PAK5: variants seen among roughly 807,000 people sequenced by gnomAD.
The protein encoded by PAK5 is serine/threonine-protein kinase PAK 5.
PAK5 carries 16 observed loss-of-function variants against 65.9 expected under a neutral mutation model. That is an observed-to-expected ratio of 0.24 (90% CI 0.16 to 0.37). PAK5 has a LOEUF of 0.37. Among genes scored for constraint, PAK5 ranks in the 10% least tolerant of loss-of-function variants. The pLI is 1.00. For missense variants in PAK5, 785 were observed against 903.9 expected (o/e 0.87, Z 1.69); for synonymous variants, 371 against 354.9 (o/e 1.05, Z -0.51).
rs113020207 is a variant in PAK5, at chr20:9,624,724, G to C, written c.204+19401C>G. 7.4e-3 allele frequency among the ~76,000 whole-genome samples: 1,129 copies of C among 151,958 alleles called. 14 individuals carry two copies. Among genetic ancestry groups the C allele is most frequent in the African/African-American group, 0.026 (1,068 of 41,440 alleles). On this transcript the variant is annotated intron_variant, in intron 3 of 9. Coordinates refer to ENST00000353224, the MANE Select transcript of PAK5 (RefSeq NM_177990.4). ...CACGCCTCAGCTCTGCTATTTGAGA[G>C]TTGTGTGACTGTTGGTGAGTCCTTT...
At chr20:9,814,567 A>G (rs1260451013) in intron 1 of PAK5, among the ~76,000 whole-genome samples, 2 of 152,216 alleles carry the variant, frequency 1.3e-5, no homozygotes, top group Non-Finnish European at 2.9e-5. Flanking sequence ...TTTTTAGTTT[A>G]CCTTGTAAAA....
rs374453970 is a variant in PAK5, at chr20:9,785,394, T to G, written c.-162+53368A>C. 4.4e-4 allele frequency among the ~76,000 whole-genome samples: 67 copies of G among 152,300 alleles called. 1 individual carries two copies. In the South Asian group the frequency reaches 0.013, roughly 31 times the overall value. ...TGATAAGGGACATTGAGCACAGAAT[T>G]TTAATGTTATATTTCAAAATGGCTA... On this transcript the variant is annotated intron_variant, in intron 1 of 9. Coordinates refer to ENST00000353224, the MANE Select transcript of PAK5 (RefSeq NM_177990.4).
At chr20:9,599,082 G>T (rs1420872126) in intron 3 of PAK5, among the ~76,000 whole-genome samples, 2 of 152,038 alleles carry the variant, frequency 1.3e-5, no homozygotes, top group African/African-American at 4.8e-5. Flanking sequence ...CTATGACTTT[G>T]CCTATCTAGC....
Position 9,697,241 on chromosome 20 carries a change from G to T in PAK5, c.-12+14045C>A, listed in dbSNP as rs149932352. Among the ~76,000 whole-genome samples, 253 of 152,124 alleles carry T rather than the reference G, an allele frequency of 1.7e-3. 3 individuals carry two copies. The South Asian group carries it at 0.039, about 23-fold the overall frequency. ...TTAGTTCACTGTTTTATTTCTATAA[G>T]TCAGAACACTGCCCATCATGTAACA... On this transcript the variant is annotated intron_variant, in intron 2 of 9. Transcript: ENST00000353224.
At chr20:9,641,906 C>G (rs2047072273) in intron 3 of PAK5, among the ~76,000 whole-genome samples, 5 of 152,318 alleles carry the variant, frequency 3.3e-5, no homozygotes, top group Admixed American at 3.3e-4. Context: ...CAAGCCCACG[C>G]CCACCCGGAA....
In PAK5 at chr20:9,538,427, T is replaced by TC. The variant is rs2045204390; in HGVS notation, c.*1034_*1035insG. ...ACAGAGTTTTAAAAATGGTGACAAA[T>TC]GAAACCAAACGTCTTGCCCTGTTCT... On this transcript the variant is annotated 3_prime_UTR_variant, in exon 10 of 10. Coordinates refer to ENST00000353224, the MANE Select transcript of PAK5 (RefSeq NM_177990.4). 4.3e-6 allele frequency: 1 copy of TC among 233,476 alleles called. No individual in the cohort carries two copies. Among genetic ancestry groups the TC allele is most frequent in the African/African-American group, 2.2e-5 (1 of 45,330 alleles). 14.5% of individuals were successfully genotyped at this position (233,476 alleles called of 1,614,324 possible).
chr20:9,637,992 C>T lies in PAK5; in HGVS notation c.204+6133G>A, dbSNP rs187807512. 2.2e-4 allele frequency among the ~76,000 whole-genome samples: 33 copies of T among 152,244 alleles called. No individual in the cohort carries two copies. The East Asian group carries it at 6.2e-3, about 28-fold the overall frequency. On this transcript the variant is annotated intron_variant, in intron 3 of 9. Transcript: ENST00000353224. ...ACCTAGAACAGCAGTTCTTAAAGTA[C>T]ATCTATCCATCAGCAGCATCTGAGA...
intron 3 of PAK5, among the ~76,000 whole-genome samples, chr20:9,618,544 T>C (rs1041972141): frequency 1.3e-5 from 2 of 151,642 alleles, no homozygotes; most frequent in South Asian, 2.1e-4. Flanking sequence ...GTAGCTGAGA[T>C]TGCAGGCATG....
At chr20:9,735,058 T>A (rs1754563155) in intron 1 of PAK5, among the ~76,000 whole-genome samples, 2 of 152,238 alleles carry the variant, frequency 1.3e-5, no homozygotes, top group African/African-American at 2.4e-5. Flanking sequence ...TCAGATCTCA[T>A]TCTTTAAAAT....
chr20:9,575,386 T>C (rs1845845604), intron 4 of PAK5, among the ~76,000 whole-genome samples: 1 of 152,126 alleles, frequency 6.6e-6, no homozygotes, highest in African/African-American at 2.4e-5. Context: ...TTAGAGATGA[T>C]GAAACTGATG....
At chr20:9,673,383 T>C (rs1231621817) in intron 2 of PAK5, among the ~76,000 whole-genome samples, 1 of 152,228 alleles carries the variant, frequency 6.6e-6, no homozygotes, top group East Asian at 1.9e-4. Flanking sequence ...ATGCTGGACA[T>C]GTGTCAGTAT....
intron 2 of PAK5, among the ~76,000 whole-genome samples, chr20:9,661,170 C>G (rs2047340931): frequency 6.6e-6 from 1 of 152,084 alleles, no homozygotes; most frequent in Admixed American, 6.6e-5. Flanking sequence ...ATTACTTAAT[C>G]TAAAACAATG....
chr20:9,591,909 T>A (rs938723258), intron 3 of PAK5, among the ~76,000 whole-genome samples: 1 of 152,212 alleles, frequency 6.6e-6, no homozygotes, highest in African/African-American at 2.4e-5. Context: ...TAATAAATGT[T>A]AAGAAACTTG....
intron 3 of PAK5, among the ~76,000 whole-genome samples, chr20:9,626,377 C>A (rs556163450): frequency 6.6e-6 from 1 of 152,332 alleles, no homozygotes; most frequent in East Asian, 1.9e-4. Flanking sequence ...ACTTACAATG[C>A]TGTGGCAGGC....
At chr20:9,571,777 C>T (rs1032814780) in intron 4 of PAK5, among the ~76,000 whole-genome samples, 1 of 150,888 alleles carries the variant, frequency 6.6e-6, no homozygotes, top group South Asian at 2.1e-4. Flanking sequence ...ATGCAAAGAT[C>T]CCAAAGCTAA....
Position 9,793,719 on chromosome 20 carries a change from A to T in PAK5, c.-162+45043T>A, listed in dbSNP as rs548159004. ...GTTATGGAGAAATAGGAACACTTTT[A>T]CACTGTTGATGAGTGTAAATTAGTC... is the stretch of plus-strand genomic sequence containing the variant. On this transcript the variant is annotated intron_variant, in intron 1 of 9. Transcript: ENST00000353224. Among the ~76,000 whole-genome samples, 3 of 152,098 alleles carry T rather than the reference A, an allele frequency of 2.0e-5. No homozygotes were observed. The South Asian group carries it at 6.2e-4, about 31-fold the overall frequency.
intron 1 of PAK5, among the ~76,000 whole-genome samples, chr20:9,716,026 C>A (rs2048142016): frequency 1.3e-5 from 2 of 151,648 alleles, no homozygotes; most frequent in Non-Finnish European, 2.9e-5. Context: ...GCAGATGTAC[C>A]CTAGAACTTA....
At chr20:9,655,844 G>A (rs1020287263) in intron 2 of PAK5, among the ~76,000 whole-genome samples, 11 of 152,098 alleles carry the variant, frequency 7.2e-5, no homozygotes, top group African/African-American at 2.2e-4. Flanking sequence ...GGTTTCTTCC[G>A]AGACTTCTCT....
intron 1 of PAK5, among the ~76,000 whole-genome samples, chr20:9,718,053 G>A (rs1272475063): frequency 1.3e-5 from 2 of 152,056 alleles, no homozygotes; most frequent in Non-Finnish European, 2.9e-5. Context: ...ACCTGACTCT[G>A]AGATATGAGT....
Sources: allele counts gnomAD v4.1 joint callset (sites outside exome capture counted in the v4.1 genomes callset), GRCh38; gene constraint gnomAD v4.1.1; transcripts MANE v1.5; gene names NCBI Gene and HGNC (gene_info 2026-07-23, HGNC 2026-07-21).